The following CNTN5 variants were observed in gnomAD, a reference collection of about 807,000 sequenced individuals.
The protein encoded by CNTN5 is contactin-5.
Under a neutral mutation model 129.1 loss-of-function variants are expected in CNTN5, and 77 were observed. That is an observed-to-expected ratio of 0.60 (90% CI 0.50 to 0.72). The LOEUF is 0.72. CNTN5 is among the 30% of genes least tolerant of loss of function. The pLI, the probability that CNTN5 is intolerant of heterozygous loss-of-function variation, is 0.00. For missense variants in CNTN5, 1,478 were observed against 1,328.8 expected, an observed-to-expected ratio of 1.11 and a Z score of -1.75; for synonymous variants, 509 against 465.6, an observed-to-expected ratio of 1.09 and a Z score of -1.20.
chr11:100,140,584 G>A (rs929821656), intron 13 of CNTN5, among the ~76,000 whole-genome samples: 1 of 152,090 alleles, frequency 6.6e-6, no homozygotes, highest in Non-Finnish European at 1.5e-5. Context: ...TTATCAGGGG[G>A]TTTTAATTAC....
chr11:99,353,582 T>C (rs916702585), intron 2 of CNTN5, among the ~76,000 whole-genome samples: 2 of 152,178 alleles, frequency 1.3e-5, no homozygotes, highest in African/African-American at 4.8e-5. Context: ...AAAGATTGAA[T>C]CATGGTCAGA....
chr11:100,324,664 G>A (rs901317516), intron 21 of CNTN5, among the ~76,000 whole-genome samples: 1 of 152,052 alleles, frequency 6.6e-6, no homozygotes, highest in Non-Finnish European at 1.5e-5. Flanking sequence ...AACTACATGT[G>A]TTAGGAAAAT....
In CNTN5 at chr11:99,625,919, T is replaced by C. The variant is rs3990814; in HGVS notation, c.55+69650T>C. Among the ~76,000 whole-genome samples the C allele has an allele frequency of 2.3e-4, 14 of 61,050 alleles. No individual in the cohort carries two copies. The South Asian group carries it at 6.0e-3, about 26-fold the overall frequency. The allele number at this position is 61,050 out of a possible 152,430, so 40.1% of individuals were successfully genotyped here. ...GCAAGATTATATATATATATATATA[T>C]ATATACACACACACACACACACACA... On this transcript the variant is annotated intron_variant, in intron 3 of 24. Coordinates refer to ENST00000524871, the MANE Select transcript of CNTN5 (RefSeq NM_014361.4).
intron 1 of CNTN5, among the ~76,000 whole-genome samples, chr11:99,117,126 A>C (rs1486040966): frequency 1.3e-5 from 2 of 152,216 alleles, no homozygotes; most frequent in Admixed American, 6.5e-5. Context: ...AATTGGTTCT[A>C]GGCAAATTAT....
intron 3 of CNTN5, among the ~76,000 whole-genome samples, chr11:99,708,152 T>A (rs76831180): frequency 0.02 from 2,975 of 151,772 alleles, 92 homozygotes; most frequent in African/African-American, 0.067. Context: ...GATCTTCCCC[T>A]GGCTTGGTAT....
At chr11:99,388,414 C>CAAAAAAAA (rs10652309) in intron 2 of CNTN5, among the ~76,000 whole-genome samples, 3 of 121,826 alleles carry the variant, frequency 2.5e-5, no homozygotes, top group African/African-American at 3.2e-5. Flanking sequence ...AACCCGGTCT[C>CAAAAAAAA]AAAAAAAAAA....
intron 1 of CNTN5, among the ~76,000 whole-genome samples, chr11:99,261,334 A>G (rs1301906680): frequency 6.6e-6 from 1 of 152,078 alleles, no homozygotes; most frequent in Non-Finnish European, 1.5e-5. Context: ...GCAACAAAAT[A>G]GAAATACCTA....
chr11:99,871,205 A>G (rs1218232889), intron 6 of CNTN5, among the ~76,000 whole-genome samples: 1 of 152,104 alleles, frequency 6.6e-6, no homozygotes, highest in African/African-American at 2.4e-5. Flanking sequence ...CAGTTCTTGT[A>G]GAAAATATGA....
intron 3 of CNTN5, among the ~76,000 whole-genome samples, chr11:99,661,211 T>A (rs1952580955): frequency 6.6e-6 from 1 of 152,142 alleles, no homozygotes; most frequent in African/African-American, 2.4e-5. Flanking sequence ...AAATTAGGTC[T>A]GATAACAACA....
intron 3 of CNTN5, among the ~76,000 whole-genome samples, chr11:99,698,792 G>T (rs920350496): frequency 6.6e-6 from 1 of 150,742 alleles, no homozygotes; most frequent in Non-Finnish European, 1.5e-5. Flanking sequence ...ACTGATTCTT[G>T]TAATACTATA....
intron 1 of CNTN5, among the ~76,000 whole-genome samples, chr11:99,234,956 T>C (rs1354297772): frequency 1.3e-5 from 2 of 151,908 alleles, no homozygotes; most frequent in African/African-American, 4.8e-5. Context: ...TAGAGGTATT[T>C]ACAAAGTCAA....
At chr11:99,751,854 C>T (rs1414043094) in intron 3 of CNTN5, among the ~76,000 whole-genome samples, 2 of 152,178 alleles carry the variant, frequency 1.3e-5, no homozygotes, top group Non-Finnish European at 2.9e-5. Context: ...GAAGACTCCT[C>T]CCTTATGAAT....
intron 2 of CNTN5, among the ~76,000 whole-genome samples, chr11:99,335,685 G>A (rs1421275443): frequency 1.3e-5 from 2 of 152,086 alleles, no homozygotes; most frequent in African/African-American, 2.4e-5. Context: ...AATGATAGAT[G>A]GAAAGCTGGG....
chr11:99,462,050 C>T (rs1430934526), intron 2 of CNTN5, among the ~76,000 whole-genome samples: 1 of 152,056 alleles, frequency 6.6e-6, no homozygotes, highest in Non-Finnish European at 1.5e-5. Context: ...TACTGAGAAC[C>T]TAAATATTTA....
intron 14 of CNTN5, among the ~76,000 whole-genome samples, chr11:100,193,121 T>TA (rs922107821): frequency 6.6e-6 from 1 of 151,942 alleles, no homozygotes; most frequent in Non-Finnish European, 1.5e-5. Flanking sequence ...CTTTTTATTG[T>TA]AAAAAATCTT....
At chr11:99,981,482 G>A (rs1938346619) in intron 8 of CNTN5, among the ~76,000 whole-genome samples, 1 of 152,150 alleles carries the variant, frequency 6.6e-6, no homozygotes, top group Admixed American at 6.5e-5. Context: ...CCTACACTGA[G>A]GGTGGATCTT....
chr11:99,042,159 C>T (rs1864008979), intron 1 of CNTN5, among the ~76,000 whole-genome samples: 1 of 152,034 alleles, frequency 6.6e-6, no homozygotes, highest in African/African-American at 2.4e-5. Flanking sequence ...GTCCCTTCCA[C>T]AGCATACCTC....
chr11:99,740,724 C>A (rs1349139080), intron 3 of CNTN5, among the ~76,000 whole-genome samples: 1 of 152,178 alleles, frequency 6.6e-6, no homozygotes, highest in African/African-American at 2.4e-5. Flanking sequence ...TTCAGTGATA[C>A]ATATTTGCTG....
chr11:99,814,859 A>G (rs1946533263), intron 3 of CNTN5, among the ~76,000 whole-genome samples: 1 of 152,182 alleles, frequency 6.6e-6, no homozygotes, highest in African/African-American at 2.4e-5. Context: ...ATTGACTCAC[A>G]GCTCCATGTG....
Sources: gnomAD v4.1 joint callset for allele counts (sites outside exome capture counted in the v4.1 genomes callset) on GRCh38, gnomAD v4.1.1 for gene constraint, MANE v1.5 for transcripts, NCBI Gene and HGNC (gene_info 2026-07-23, HGNC 2026-07-21) for gene names.